The following ZNF236 variants were observed in gnomAD, a reference collection of about 807,000 sequenced individuals.
ZNF236 encodes the protein zinc finger protein 236, also known as regulated by glucose.
In ZNF236, 50 loss-of-function variants were observed where a neutral mutation model predicts 191.2. That is an observed-to-expected ratio of 0.26 (90% confidence interval 0.21 to 0.33). ZNF236 has a LOEUF of 0.33. ZNF236 is among the 10% of genes least tolerant of loss of function. The pLI, the probability that ZNF236 is intolerant of heterozygous loss-of-function variation, is 1.00. For synonymous variants in ZNF236, 907 were observed against 928.8 expected, an observed-to-expected ratio of 0.98 and a Z score of 0.43; for missense variants, 1,754 against 2,374.5, an observed-to-expected ratio of 0.74 and a Z score of 5.43.
intron 25 of ZNF236, 40 bp downstream of exon 25, chr18:76,928,146 A>G (rs1568234946): frequency 1.3e-6 from 2 of 1,529,578 alleles, no homozygotes; most frequent in South Asian, 1.2e-5. Context: ...TCACCCTGCA[A>G]TTTAAGTACT....
intron 10 of ZNF236, 194 bp downstream of exon 10, chr18:76,895,479 C>T (rs752148419): frequency 6.3e-5 from 47 of 741,058 alleles, no homozygotes; most frequent in Admixed American, 8.3e-5. Flanking sequence ...GCACCCACAC[C>T]GGTACTGCCC....
chr18:76,905,548 A>G (rs1977717514), intron 13 of ZNF236, 133 bp downstream of exon 13: 1 of 39,678 alleles, frequency 2.5e-5, no homozygotes, highest in Non-Finnish European at 3.4e-5. Context: ...GGCTCAAGAA[A>G]AAAAAAAAAA....
At chr18:76,852,421 A>T (rs1028064570) in intron 3 of ZNF236, among the ~76,000 whole-genome samples, 1 of 152,150 alleles carries the variant, frequency 6.6e-6, no homozygotes, top group African/African-American at 2.4e-5. Flanking sequence ...CACAGGCCCA[A>T]TGTCTGGGAC....
At chr18:76,886,945 T>C (rs1977075256) in intron 9 of ZNF236, 3 of 201,604 alleles carry the variant, frequency 1.5e-5, no homozygotes, top group Non-Finnish European at 3.2e-5. Flanking sequence ...ATATCCCCAT[T>C]CTGAATTCAC....
chr18:76,878,454 A>G (rs923487086), intron 7 of ZNF236, among the ~76,000 whole-genome samples: 4 of 152,240 alleles, frequency 2.6e-5, no homozygotes, highest in African/African-American at 9.6e-5. Flanking sequence ...TTATAATTTA[A>G]GAATTAATTA....
intron 1 of ZNF236, among the ~76,000 whole-genome samples, chr18:76,830,881 T>C (rs1975152586): frequency 6.6e-6 from 1 of 152,240 alleles, no homozygotes; most frequent in African/African-American, 2.4e-5. Flanking sequence ...TAAGCTCCTG[T>C]TGAAGACTTG....
chr18:76,947,446 C>G (rs1968289323), intron 26 of ZNF236, 75 bp from the exon 27 acceptor site: 2 of 1,536,728 alleles, frequency 1.3e-6, no homozygotes, highest in Non-Finnish European at 1.8e-6. Flanking sequence ...GGTAGCTGCA[C>G]CATAAAAGAT....
At chr18:76,851,545 A>G (rs1476277797) in intron 2 of ZNF236, among the ~76,000 whole-genome samples, 2 of 152,162 alleles carry the variant, frequency 1.3e-5, no homozygotes, top group African/African-American at 2.4e-5. Context: ...CTTATTAGAA[A>G]TATTTCTTTT....
intron 1 of ZNF236, chr18:76,824,312 A>G: frequency 1.3e-6 from 1 of 781,092 alleles, no homozygotes; most frequent in Non-Finnish European, 2.4e-6. Context: ...CACATTACGG[A>G]AACGTTGGTG....
chr18:76,835,736 G>C (rs182567308), intron 1 of ZNF236, among the ~76,000 whole-genome samples: 1 of 152,166 alleles, frequency 6.6e-6, no homozygotes, highest in African/African-American at 2.4e-5. Context: ...ATGGCCTGAT[G>C]ATCTTTGTCT....
chr18:76,859,848 G>C (rs1298319733), intron 3 of ZNF236, among the ~76,000 whole-genome samples: 2 of 152,166 alleles, frequency 1.3e-5, no homozygotes, highest in Admixed American at 6.5e-5. Context: ...ACATTACTCT[G>C]TCTTCACCAA....
chr18:76,877,959 A>G, intron 6 of ZNF236, 50 bp from the exon 7 acceptor site: 1 of 1,411,240 alleles, frequency 7.1e-7, no homozygotes, highest in Non-Finnish European at 9.6e-7. Flanking sequence ...AGATGTTTAA[A>G]TTTAACAATT....
chr18:76,921,737 C>CTT (rs11380490), intron 20 of ZNF236, among the ~76,000 whole-genome samples: 37,305 of 97,944 alleles, frequency 0.38, 8,154 homozygotes, highest in South Asian at 0.48. Flanking sequence ...GTGGGATGTT[C>CTT]TTTTTTTTTT....
At chr18:76,929,748 A>G (rs1967798360) in intron 25 of ZNF236, among the ~76,000 whole-genome samples, 1 of 152,212 alleles carries the variant, frequency 6.6e-6, no homozygotes, top group African/African-American at 2.4e-5. Context: ...AGAATTGGCT[A>G]TACAGTTCCT....
intron 9 of ZNF236, among the ~76,000 whole-genome samples, chr18:76,894,793 G>C (rs973134852): frequency 3.3e-5 from 5 of 152,178 alleles, no homozygotes; most frequent in Admixed American, 1.3e-4. Context: ...CACCCTGTCA[G>C]TGGGCGCTCT....
At position 76,925,629 on chromosome 18, in the gene ZNF236, A is replaced by G. The variant is rs1400596683; in HGVS notation, c.4027+75A>G. The G allele has an allele frequency of 3.3e-6, 5 of 1,530,732 alleles. No homozygotes were observed. The African/African-American group carries it at 6.8e-5, about 21-fold the overall frequency. The allele number at this position is 1,530,732 out of a possible 1,614,324, so 94.8% of individuals were successfully genotyped here. On this transcript the variant is annotated intron_variant, in intron 22 of 30. Coordinates refer to ENST00000320610, the MANE Select transcript of ZNF236 (RefSeq NM_001306089.2). The surrounding 1 kb of genome is among the most constrained non-coding windows in gnomAD (Gnocchi z 5.7). ...TGTGCTGCTTCTGTCTGTTCCCACG[A>G]CAGAAGAGATGTTGTTTACCGTAGC...
rs1967662660 is a variant in ZNF236 at position 76,925,864 on chromosome 18, G to A, written c.4027+310G>A. Among the ~76,000 whole-genome samples, 1 of 152,220 alleles carries A rather than the reference G, an allele frequency of 6.6e-6. No homozygotes were observed. The highest frequency in any genetic ancestry group is 2.4e-5 in the African/African-American group (1 of 41,460). The stretch of plus-strand genomic sequence containing the variant: ...TCTCATAAATTTAGTAGTGAGAAGT[G>A]TAATTTATAAATACTCAATAGCATT... On this transcript the variant is annotated intron_variant, in intron 22 of 30. Transcript: ENST00000320610. The surrounding 1 kb of genome is among the most constrained non-coding windows in gnomAD (Gnocchi z 5.7).
rs997474421 is a variant in ZNF236 at position 76,969,657 on chromosome 18, C to A, written c.*1318C>A. The A allele has an allele frequency of 2.0e-5, 3 of 152,146 alleles. No homozygotes were observed. Among genetic ancestry groups the A allele is most frequent in the Non-Finnish European group, 2.9e-5 (2 of 67,964 alleles). 9.4% of individuals were successfully genotyped at this position (152,146 alleles called of 1,614,324 possible). Reference sequence around the variant, plus strand: ...AAAAATAATTGCCTTTATTTTCTCTCGTTGCCTCCTTGGTTTCAGAAGAGA... The same window carrying A: ...AAAAATAATTGCCTTTATTTTCTCTAGTTGCCTCCTTGGTTTCAGAAGAGA... On this transcript the variant is annotated 3_prime_UTR_variant, in exon 31 of 31. Coordinates refer to ENST00000320610, the MANE Select transcript of ZNF236 (RefSeq NM_001306089.2).
Position 76,880,183 on chromosome 18 carries a change from G to A in ZNF236, c.1055G>A (p.Ser352Asn), listed in dbSNP as rs1976846023. 1.2e-6 allele frequency: 2 copies of A among 1,614,026 alleles called. No individual in the cohort carries two copies. The highest frequency in any genetic ancestry group is 2.2e-5 in the South Asian group (2 of 91,088). ...AQATSASSQP[S>N]SQAVSDVIQQ... ...GCCACGTCGGCCTCAAGCCAGCCGA[G>A]CTCCCAGGCGGTGAGCGACGTCATC... Residue 352 changes from serine to asparagine, a missense_variant, in exon 8 of 31, where the codon AGC becomes AAC. By Grantham distance (46) the Ser-to-Asn change is conservative (BLOSUM62 1). Coordinates refer to ENST00000320610, the MANE Select transcript of ZNF236 (RefSeq NM_001306089.2). This position sits in a 1 kb window ranked among gnomAD's most constrained non-coding sequence, Gnocchi z 5.0.
Sources: gnomAD v4.1 joint callset for allele counts (sites outside exome capture counted in the v4.1 genomes callset) on GRCh38, gnomAD v4.1.1 for gene constraint, Gnocchi (gnomAD v3.1) non-coding constraint, MANE v1.5 for transcripts, NCBI Gene and HGNC (gene_info 2026-07-23, HGNC 2026-07-21) for gene names.